COLEC10: variants seen among roughly 807,000 people sequenced by gnomAD.
COLEC10 encodes collectin subfamily member 10, also known as collectin-10.
COLEC10 carries 22 observed loss-of-function variants against 28.4 expected under a neutral mutation model. The observed-to-expected ratio is 0.78, with a 90% CI of 0.55 to 1.11. The LOEUF (loss-of-function observed/expected upper bound fraction) is 1.11. Among genes scored for constraint, COLEC10 ranks in the 50% least tolerant of loss-of-function variants. The probability of loss-of-function intolerance (pLI) is 0.00; values close to 1 mark genes in which losing one functional copy is unlikely to be tolerated. For missense variants in COLEC10, 361 were observed against 344.1 expected (o/e 1.05, Z -0.39); for synonymous variants, 125 against 116.1 (o/e 1.08, Z -0.49).
chr8:118,959,394 C>CAA, the COLEC10 span, among the ~76,000 whole-genome samples: 2 of 151,768 alleles, frequency 1.3e-5, no homozygotes, highest in South Asian at 4.2e-4. Context: ...TATTCATTTG[C>CAA]TAGTTTTGTC....
the COLEC10 span, among the ~76,000 whole-genome samples, chr8:118,980,648 T>C: frequency 3.9e-5 from 6 of 152,136 alleles, no homozygotes; most frequent in African/African-American, 1.4e-4. Flanking sequence ...TTTTATGTAT[T>C]GTCTTAGCTT....
the COLEC10 span, among the ~76,000 whole-genome samples, chr8:118,984,334 G>A: frequency 6.6e-6 from 1 of 152,050 alleles, no homozygotes; most frequent in Non-Finnish European, 1.5e-5. Context: ...GCCTACTTGA[G>A]GGTACAGGGT....
chr8:119,004,298 A>G (rs1813749616), intron 1 of COLEC10, among the ~76,000 whole-genome samples: 1 of 151,882 alleles, frequency 6.6e-6, no homozygotes, highest in Non-Finnish European at 1.5e-5. Context: ...CCTAATAACA[A>G]TGATCCTGGG....
At chr8:119,011,535 T>G (rs868288753) in intron 2 of COLEC10, among the ~76,000 whole-genome samples, 2 of 150,866 alleles carry the variant, frequency 1.3e-5, no homozygotes, top group South Asian at 2.1e-4. Flanking sequence ...TGATTGAGAT[T>G]GGATCAAATC....
At chr8:118,980,993 A>G in the COLEC10 span, among the ~76,000 whole-genome samples, 1 of 151,798 alleles carries the variant, frequency 6.6e-6, no homozygotes, top group African/African-American at 2.4e-5. Flanking sequence ...AAGGTACCAT[A>G]TATTTCTTTG....
At chr8:119,032,244 G>A (rs1814301573) in intron 2 of COLEC10, among the ~76,000 whole-genome samples, 1 of 152,214 alleles carries the variant, frequency 6.6e-6, no homozygotes, top group Non-Finnish European at 1.5e-5. Context: ...GGGGTGGGTT[G>A]CTAATGCAGA....
At chr8:118,996,989 C>A (rs1159831878) in intron 1 of COLEC10, among the ~76,000 whole-genome samples, 1 of 152,134 alleles carries the variant, frequency 6.6e-6, no homozygotes, top group Non-Finnish European at 1.5e-5. Flanking sequence ...CGGGATCCAC[C>A]CCCATGACAA....
chr8:119,019,714 T>A (rs2130103725), intron 2 of COLEC10, among the ~76,000 whole-genome samples: 1 of 152,288 alleles, frequency 6.6e-6, no homozygotes, highest in African/African-American at 2.4e-5. Flanking sequence ...GCATTTTTAA[T>A]GCATGCCCTT....
At chr8:119,069,436 A>G (rs1340813588) in intron 1 of COLEC10, among the ~76,000 whole-genome samples, 1 of 150,648 alleles carries the variant, frequency 6.6e-6, no homozygotes, top group Non-Finnish European at 1.5e-5. Flanking sequence ...CTCTACAAAA[A>G]ATTAAAATAA....
At chr8:119,025,387 G>A (rs1447821576) in intron 2 of COLEC10, among the ~76,000 whole-genome samples, 2 of 152,180 alleles carry the variant, frequency 1.3e-5, no homozygotes, top group Middle Eastern at 3.2e-3. Flanking sequence ...AGGAGCACCA[G>A]TATTTCAGAA....
chr8:119,052,814 T>C (rs1036927851), intron 2 of COLEC10, among the ~76,000 whole-genome samples: 2 of 152,228 alleles, frequency 1.3e-5, no homozygotes, highest in African/African-American at 4.8e-5. Flanking sequence ...TTAGAACTTA[T>C]TAACAAATTT....
intron 1 of COLEC10, among the ~76,000 whole-genome samples, chr8:119,005,542 G>A (rs114845743): frequency 0.017 from 2,549 of 152,136 alleles, 29 homozygotes; most frequent in Middle Eastern, 0.031. Flanking sequence ...ACAGAATCCT[G>A]GACCAATAGT....
the COLEC10 span, among the ~76,000 whole-genome samples, chr8:118,962,778 C>G: frequency 1.3e-5 from 2 of 152,114 alleles, no homozygotes; most frequent in African/African-American, 4.8e-5. Flanking sequence ...TTTTCCACAC[C>G]CCTCAGCCCT....
chr8:119,006,627 T>C (rs1813803835), intron 1 of COLEC10, among the ~76,000 whole-genome samples: 1 of 152,072 alleles, frequency 6.6e-6, no homozygotes, highest in Non-Finnish European at 1.5e-5. Context: ...TTCTGGATCC[T>C]GGGCCCTGTC....
intron 1 of COLEC10, among the ~76,000 whole-genome samples, chr8:119,084,795 A>T (rs1037455408): frequency 1.3e-5 from 2 of 152,248 alleles, no homozygotes; most frequent in African/African-American, 4.8e-5. Flanking sequence ...AAGCAATGAC[A>T]ATGTGCTAAT....
chr8:119,039,276 A>T (rs1020291784), intron 2 of COLEC10, among the ~76,000 whole-genome samples: 14 of 152,166 alleles, frequency 9.2e-5, no homozygotes, highest in Non-Finnish European at 2.1e-4. Flanking sequence ...GCAGTTTTCA[A>T]TATGAAATAG....
intron 2 of COLEC10, among the ~76,000 whole-genome samples, chr8:119,017,380 G>A (rs976989176): frequency 3.9e-5 from 6 of 152,278 alleles, no homozygotes; most frequent in African/African-American, 1.4e-4. Context: ...TTGTTTTCAA[G>A]ACTATAGTAA....
chr8:119,069,629 A>AAAATATATATATATATAT (rs1554627284), intron 1 of COLEC10, among the ~76,000 whole-genome samples: 1 of 42,880 alleles, frequency 2.3e-5, no homozygotes. Context: ...AAAAAAAAAA[A>AAAATATATATATATATAT]ATATATATAT....
the COLEC10 span, among the ~76,000 whole-genome samples, chr8:118,963,154 T>C: frequency 6.6e-6 from 1 of 152,122 alleles, no homozygotes; most frequent in Non-Finnish European, 1.5e-5. Context: ...TCAGCTAAAG[T>C]TCAGTTCAGG....
Sources: gnomAD v4.1 joint callset for allele counts (sites outside exome capture counted in the v4.1 genomes callset) on GRCh38, gnomAD v4.1.1 for gene constraint, MANE v1.5 for transcripts, NCBI Gene and HGNC (gene_info 2026-07-23, HGNC 2026-07-21) for gene names.